CSMD3: variants seen among roughly 807,000 people sequenced by gnomAD.
CSMD3 encodes the protein CUB and Sushi multiple domains 3.
Under a neutral mutation model 435.2 loss-of-function variants are expected in CSMD3, and 177 were observed. The observed-to-expected ratio is 0.41, with a 90% confidence interval of 0.36 to 0.46. The LOEUF is 0.46. Among genes scored for constraint, CSMD3 ranks in the 20% least tolerant of loss-of-function variants. The probability of loss-of-function intolerance (pLI) is 0.34; values close to 1 mark genes in which losing one functional copy is unlikely to be tolerated. For missense variants in CSMD3, 4,265 were observed against 4,504.6 expected (o/e 0.95, Z 1.52); for synonymous variants, 1,656 against 1,520.5 (o/e 1.09, Z -2.07).
At chr8:112,900,351 G>T (rs893674032) in intron 10 of CSMD3, among the ~76,000 whole-genome samples, 1 of 151,286 alleles carries the variant, frequency 6.6e-6, no homozygotes, top group Non-Finnish European at 1.5e-5. Context: ...TTTAAATTTT[G>T]GAAGATGAGA....
At chr8:112,431,241 T>C (rs1813671594) in intron 32 of CSMD3, among the ~76,000 whole-genome samples, 1 of 152,150 alleles carries the variant, frequency 6.6e-6, no homozygotes, top group Non-Finnish European at 1.5e-5. Context: ...ATTCTACTAC[T>C]AAATATAAAA....
At chr8:113,094,737 G>A (rs2090110383) in intron 5 of CSMD3, among the ~76,000 whole-genome samples, 1 of 152,046 alleles carries the variant, frequency 6.6e-6, no homozygotes, top group Non-Finnish European at 1.5e-5. Context: ...TTATCCCAAG[G>A]ACACTGATCT....
At chr8:112,423,353 A>G (rs1309991018) in intron 32 of CSMD3, among the ~76,000 whole-genome samples, 2 of 152,324 alleles carry the variant, frequency 1.3e-5, no homozygotes, top group Non-Finnish European at 1.5e-5. Flanking sequence ...TCAAAAGCAC[A>G]TAAGAGTCAC....
chr8:113,094,687 G>A (rs2090108871), intron 5 of CSMD3, among the ~76,000 whole-genome samples: 1 of 152,126 alleles, frequency 6.6e-6, no homozygotes, highest in Admixed American at 6.5e-5. Context: ...TAATGTAGAT[G>A]ATTCTAGCAT....
chr8:112,424,339 T>C (rs1812831718), intron 32 of CSMD3, among the ~76,000 whole-genome samples: 2 of 152,284 alleles, frequency 1.3e-5, no homozygotes, highest in Admixed American at 6.5e-5. Context: ...TAAACAAATA[T>C]TTAAAAATTA....
rs138120377 is a variant in CSMD3 at position 112,498,343 on chromosome 8, G to C, written c.5083+5447C>G. Among the ~76,000 whole-genome samples the C allele has an allele frequency of 2.7e-3, 411 of 152,140 alleles. 2 individuals carry two copies. The highest frequency in any genetic ancestry group is 3.4e-3 in the Middle Eastern group (1 of 294). ...CTCTTTTTAAAAAATTACATTTGTA[G>C]TTCTTTATCTATGACAGCATGAATC... On this transcript the variant is annotated intron_variant, in intron 30 of 70. Coordinates refer to ENST00000297405, the MANE Select transcript of CSMD3 (RefSeq NM_198123.2).
intron 1 of CSMD3, among the ~76,000 whole-genome samples, chr8:113,402,319 G>A (rs746649952): frequency 2.0e-5 from 3 of 151,270 alleles, no homozygotes; most frequent in African/African-American, 4.8e-5. Context: ...ACTGTCTTGA[G>A]CATTGAGAGA....
chr8:112,902,707 G>A (rs1367200618), intron 10 of CSMD3, among the ~76,000 whole-genome samples: 1 of 151,240 alleles, frequency 6.6e-6, no homozygotes, highest in Non-Finnish European at 1.5e-5. Context: ...CTCTTGGATT[G>A]TTGTCAATAA....
At chr8:113,280,484 G>C (rs1452726918) in intron 2 of CSMD3, among the ~76,000 whole-genome samples, 1 of 151,754 alleles carries the variant, frequency 6.6e-6, no homozygotes, top group African/African-American at 2.4e-5. Flanking sequence ...ACGATCTTTT[G>C]CATTTTGGTT....
intron 11 of CSMD3, 24 bp from the exon 12 acceptor site, chr8:112,829,813 C>A: frequency 8.2e-7 from 1 of 1,214,650 alleles, no homozygotes; most frequent in African/African-American, 1.5e-5. Context: ...GAAACATGCA[C>A]CTTAAATATA....
At chr8:112,457,390 TA>T (rs1816946849) in intron 32 of CSMD3, among the ~76,000 whole-genome samples, 1 of 152,104 alleles carries the variant, frequency 6.6e-6, no homozygotes, top group South Asian at 2.1e-4. Flanking sequence ...ATCAAGAATT[TA>T]CAGTCTAAAC....
At chr8:113,008,998 T>G (rs1307587460) in intron 6 of CSMD3, among the ~76,000 whole-genome samples, 1 of 151,520 alleles carries the variant, frequency 6.6e-6, no homozygotes, top group African/African-American at 2.4e-5. Flanking sequence ...TTTATATAGA[T>G]TATATGTTGA....
chr8:112,512,779 G>A (rs1480441146), intron 28 of CSMD3, among the ~76,000 whole-genome samples: 1 of 152,138 alleles, frequency 6.6e-6, no homozygotes, highest in African/African-American at 2.4e-5. Context: ...GACACTATTC[G>A]AATAGAATGC....
chr8:112,385,390 A>C (rs1055211593), intron 36 of CSMD3, among the ~76,000 whole-genome samples: 64 of 152,164 alleles, frequency 4.2e-4, no homozygotes, highest in African/African-American at 1.5e-3. Context: ...GAGGAAGATC[A>C]GGGGAGAAAC....
At chr8:112,919,191 T>C (rs1021736194) in intron 10 of CSMD3, among the ~76,000 whole-genome samples, 13 of 151,874 alleles carry the variant, frequency 8.6e-5, no homozygotes, top group South Asian at 2.1e-4. Flanking sequence ...TGTGCTTTTT[T>C]TATACTTCCT....
chr8:112,314,656 T>A, intron 47 of CSMD3, 39 bp from the exon 48 acceptor site: 1 of 1,430,812 alleles, frequency 7.0e-7, no homozygotes, highest in Non-Finnish European at 9.9e-7. Flanking sequence ...GCCAGTCTTT[T>A]AGAGCCTCAG....
chr8:113,409,719 G>A (rs1357206515), intron 1 of CSMD3, among the ~76,000 whole-genome samples: 3 of 152,070 alleles, frequency 2.0e-5, no homozygotes, highest in African/African-American at 4.8e-5. Flanking sequence ...GGTCACTTCC[G>A]CTAACAGAGA....
chr8:113,323,780 T>C (rs1239189430), intron 1 of CSMD3, among the ~76,000 whole-genome samples: 1 of 152,218 alleles, frequency 6.6e-6, no homozygotes, highest in Admixed American at 6.5e-5. Context: ...TTAATTTCTA[T>C]TGAATGCTTG....
intron 5 of CSMD3, among the ~76,000 whole-genome samples, chr8:113,028,174 A>G (rs1373353828): frequency 6.6e-6 from 1 of 152,058 alleles, no homozygotes; most frequent in Non-Finnish European, 1.5e-5. Context: ...TTTCATTATT[A>G]TTTCTGTTAT....
Sources: allele counts gnomAD v4.1 joint callset (sites outside exome capture counted in the v4.1 genomes callset), GRCh38; gene constraint gnomAD v4.1.1; transcripts MANE v1.5; gene names NCBI Gene and HGNC (gene_info 2026-07-23, HGNC 2026-07-21).